Variants in NTM observed in about 807,000 individuals in gnomAD.
NTM encodes IgLON family member 2.
A neutral mutation model predicts 42.1 loss-of-function variants in NTM; 13 were observed. The observed-to-expected ratio is 0.31, with a 90% CI of 0.20 to 0.49. The LOEUF (loss-of-function observed/expected upper bound fraction) is 0.49, where lower values mean the gene tolerates loss of function less well. NTM is among the 20% of genes least tolerant of loss of function. The pLI, the probability that NTM is intolerant of heterozygous loss-of-function variation, is 0.99. For synonymous variants in NTM, 187 were observed against 179.2 expected (o/e 1.04, Z -0.35); for missense variants, 373 against 452.8 (o/e 0.82, Z 1.60).
chr11:132,055,170 A>T (rs1025507273), intron 2 of NTM, among the ~76,000 whole-genome samples: 1 of 152,188 alleles, frequency 6.6e-6, no homozygotes, highest in Non-Finnish European at 1.5e-5. Context: ...GTCAATCTTC[A>T]TTCTTAAATC....
chr11:132,214,417 G>C (rs930554020), intron 4 of NTM, among the ~76,000 whole-genome samples: 1 of 152,042 alleles, frequency 6.6e-6, no homozygotes, highest in African/African-American at 2.4e-5. Flanking sequence ...CATCTGGCCA[G>C]TTCTTTGTCC....
intron 2 of NTM, among the ~76,000 whole-genome samples, chr11:132,119,236 G>A (rs761505908): frequency 4.6e-5 from 7 of 152,194 alleles, no homozygotes; most frequent in Non-Finnish European, 7.3e-5. Context: ...GAAGGTGCTC[G>A]TCCTGCAAGT....
intron 1 of NTM, among the ~76,000 whole-genome samples, chr11:131,775,536 T>C (rs528759743): frequency 3.3e-4 from 51 of 152,274 alleles, no homozygotes; most frequent in South Asian, 8.3e-4. Context: ...AGAGAAAACA[T>C]TAGTTCCTGC....
intron 2 of NTM, among the ~76,000 whole-genome samples, chr11:131,943,850 C>T (rs1301557780): frequency 1.3e-5 from 2 of 152,130 alleles, no homozygotes; most frequent in African/African-American, 4.8e-5. Context: ...CCCACACATC[C>T]ATGGTGACAG....
chr11:132,023,742 T>G (rs193043759), intron 2 of NTM, among the ~76,000 whole-genome samples: 17 of 151,358 alleles, frequency 1.1e-4, no homozygotes, highest in South Asian at 1.1e-3. Context: ...GGTTTTGTTG[T>G]TGGTGGTGGT....
At chr11:131,609,423 C>G (rs1311365055) in intron 1 of NTM, among the ~76,000 whole-genome samples, 1 of 152,170 alleles carries the variant, frequency 6.6e-6, no homozygotes, top group Admixed American at 6.5e-5. Context: ...AAGCACCTTG[C>G]CCACACTCAG....
chr11:132,264,142 C>T (rs1193604528), intron 4 of NTM, among the ~76,000 whole-genome samples: 2 of 152,184 alleles, frequency 1.3e-5, no homozygotes, highest in Non-Finnish European at 2.9e-5. Context: ...TCTATTTTCC[C>T]ACCCTTTGGC....
intron 2 of NTM, among the ~76,000 whole-genome samples, chr11:132,113,085 C>A (rs1045682487): frequency 1.3e-5 from 2 of 152,124 alleles, no homozygotes; most frequent in African/African-American, 2.4e-5. Flanking sequence ...ATAGCTGGGC[C>A]CGTCCCTCAA....
chr11:132,249,529 T>C (rs7108494), intron 4 of NTM, among the ~76,000 whole-genome samples: 17,228 of 152,274 alleles, frequency 0.11, 1,617 homozygotes, highest in African/African-American at 0.25. Context: ...CAGGAGGAAA[T>C]TCCTGGAGAA....
chr11:131,627,207 C>A (rs1403638512), intron 1 of NTM, among the ~76,000 whole-genome samples: 1 of 151,432 alleles, frequency 6.6e-6, no homozygotes, highest in Non-Finnish European at 1.5e-5. Flanking sequence ...ATGAATAAAG[C>A]AGGCGGCTTT....
intron 1 of NTM, among the ~76,000 whole-genome samples, chr11:131,739,322 C>G (rs891798346): frequency 1.1e-4 from 16 of 151,974 alleles, no homozygotes; most frequent in African/African-American, 3.6e-4. Flanking sequence ...CAAATTTCAA[C>G]TTTATCACGT....
intron 1 of NTM, chr11:131,773,904 G>T (rs1443837129): frequency 1.9e-6 from 1 of 522,214 alleles, no homozygotes; most frequent in Non-Finnish European, 2.5e-6. Flanking sequence ...GCATCATTCT[G>T]TCAGCTACGA....
chr11:131,432,948 T>C (rs1948803837), intron 1 of NTM, among the ~76,000 whole-genome samples: 2 of 144,988 alleles, frequency 1.4e-5, no homozygotes, highest in South Asian at 2.3e-4. Flanking sequence ...TCCGCCTCCC[T>C]GGTTCATGCC....
At chr11:131,807,868 T>C (rs942399747) in intron 1 of NTM, among the ~76,000 whole-genome samples, 8 of 152,238 alleles carry the variant, frequency 5.3e-5, no homozygotes, top group Non-Finnish European at 2.9e-5. Flanking sequence ...AGTCTTCAGA[T>C]AGTTTGTGTT....
chr11:131,869,539 TA>T (rs2047566187), intron 1 of NTM, among the ~76,000 whole-genome samples: 1 of 152,252 alleles, frequency 6.6e-6, no homozygotes, highest in South Asian at 2.1e-4. Flanking sequence ...AAGTAAAATT[TA>T]AAATTATTTC....
chr11:132,014,736 G>GTTTTT (rs146527050), intron 2 of NTM, among the ~76,000 whole-genome samples: 59 of 83,964 alleles, frequency 7.0e-4, no homozygotes, highest in Middle Eastern at 0.013. Flanking sequence ...AGAATTACTT[G>GTTTTT]TTTTTTTTTT....
chr11:132,145,030 T>G (rs747017634), intron 2 of NTM, among the ~76,000 whole-genome samples: 17 of 152,190 alleles, frequency 1.1e-4, no homozygotes, highest in Non-Finnish European at 2.1e-4. Context: ...TTGTTAGAAT[T>G]TTTATGGTCA....
chr11:131,488,489 G>T (rs1272250017), intron 1 of NTM, among the ~76,000 whole-genome samples: 1 of 152,164 alleles, frequency 6.6e-6, no homozygotes, highest in Non-Finnish European at 1.5e-5. Flanking sequence ...CTATGTCACT[G>T]CCTGACACAG....
chr11:131,522,353 C>CAGA (rs1565596304), intron 1 of NTM, among the ~76,000 whole-genome samples: 2 of 147,724 alleles, frequency 1.4e-5, no homozygotes, highest in Admixed American at 6.8e-5. Context: ...TGCAGAACAA[C>CAGA]AAGAAAAAAA....
Sources: gnomAD v4.1 joint callset for allele counts (sites outside exome capture counted in the v4.1 genomes callset) on GRCh38, gnomAD v4.1.1 for gene constraint, MANE v1.5 for transcripts, NCBI Gene and HGNC (gene_info 2026-07-23, HGNC 2026-07-21) for gene names.